The following PTPRT variants were observed in gnomAD, a reference collection of about 807,000 sequenced individuals.
The protein encoded by PTPRT is protein tyrosine phosphatase receptor type T, also known as receptor-type tyrosine-protein phosphatase T.
In PTPRT, 56 loss-of-function variants were observed where a neutral mutation model predicts 176.8. The ratio of observed to expected loss-of-function variants is 0.32; its 90% CI spans 0.26 to 0.40. The LOEUF is 0.40. Ranked by LOEUF, PTPRT falls within the 10% of genes least tolerant of loss-of-function variation. The probability of loss-of-function intolerance (pLI) is 1.00; values close to 1 mark genes in which losing one functional copy is unlikely to be tolerated. For missense variants in PTPRT, 1,540 were observed against 1,908.2 expected, an observed-to-expected ratio of 0.81 and a Z score of 3.60; for synonymous variants, 783 against 739.0, an observed-to-expected ratio of 1.06 and a Z score of -0.96.
intron 17 of PTPRT, among the ~76,000 whole-genome samples, chr20:42,154,906 T>G (rs568236362): frequency 6.6e-6 from 1 of 152,088 alleles, no homozygotes; most frequent in Non-Finnish European, 1.5e-5. Context: ...TGGTTCAGAA[T>G]CACATGCTCT....
In PTPRT at chr20:42,801,325, G is replaced by A. The variant is rs566848735; in HGVS notation, c.215-9859C>T. 8.5e-5 allele frequency among the ~76,000 whole-genome samples: 13 copies of A among 152,130 alleles called. No homozygotes were observed. The East Asian group carries it at 1.4e-3, about 16-fold the overall frequency. On this transcript the variant is annotated intron_variant, in intron 2 of 30. Transcript: ENST00000373187. ...GATCGCCCCCAGTTCCACAGCACCCGCCCCTCAAATCCTCAACTACTGGAG... is the reference window on the plus strand; with the variant it reads ...GATCGCCCCCAGTTCCACAGCACCCACCCCTCAAATCCTCAACTACTGGAG...
At chr20:42,761,434 CAA>C (rs200687081) in intron 5 of PTPRT, among the ~76,000 whole-genome samples, 4,241 of 137,688 alleles carry the variant, frequency 0.031, 208 homozygotes, top group African/African-American at 0.099. Context: ...AATTCCATCT[CAA>C]AAAAAAAAAA....
intron 16 of PTPRT, among the ~76,000 whole-genome samples, chr20:42,196,685 T>C (rs766362593): frequency 1.4e-4 from 22 of 152,212 alleles, no homozygotes; most frequent in Non-Finnish European, 2.6e-4. Context: ...CCCTGGTCTA[T>C]GTCAACAACC....
At chr20:43,129,785 AT>A (rs1176949004) in intron 1 of PTPRT, among the ~76,000 whole-genome samples, 1 of 150,448 alleles carries the variant, frequency 6.6e-6, no homozygotes, top group African/African-American at 2.4e-5. Context: ...TGCCCGGCTA[AT>A]TTTTTGTATT....
At chr20:42,717,724 CAGAA>C (rs1197258640) in intron 6 of PTPRT, among the ~76,000 whole-genome samples, 1 of 151,482 alleles carries the variant, frequency 6.6e-6, no homozygotes, top group Non-Finnish European at 1.5e-5. Flanking sequence ...AGGCAAGCTA[CAGAA>C]AGAAAAAGGA....
At chr20:42,429,304 A>G (rs992169518) in intron 9 of PTPRT, among the ~76,000 whole-genome samples, 8 of 152,158 alleles carry the variant, frequency 5.3e-5, no homozygotes, top group African/African-American at 1.9e-4. Flanking sequence ...GACTAAAGGC[A>G]CTATTTACAA....
intron 1 of PTPRT, among the ~76,000 whole-genome samples, chr20:43,068,935 G>C (rs1370296501): frequency 6.6e-6 from 1 of 152,190 alleles, no homozygotes; most frequent in Non-Finnish European, 1.5e-5. Context: ...GGTAGCAGTA[G>C]AGCTCAAAAC....
At chr20:42,055,538 T>G in the PTPRT span, among the ~76,000 whole-genome samples, 5 of 152,276 alleles carry the variant, frequency 3.3e-5, 1 homozygote, top group African/African-American at 1.2e-4. Context: ...ATGCTTGAGC[T>G]CTGGGGGCAA....
intron 6 of PTPRT, among the ~76,000 whole-genome samples, chr20:42,696,792 A>G (rs2075886714): frequency 6.6e-6 from 1 of 152,090 alleles, no homozygotes; most frequent in Admixed American, 6.5e-5. Flanking sequence ...GAAGACAGCC[A>G]GGAGCTCTGC....
At chr20:42,499,028 T>C (rs2071702684) in intron 7 of PTPRT, among the ~76,000 whole-genome samples, 1 of 152,172 alleles carries the variant, frequency 6.6e-6, no homozygotes, top group Non-Finnish European at 1.5e-5. Flanking sequence ...GATTTTAACC[T>C]TGGCAAAATA....
At position 42,446,669 on chromosome 20, in the gene PTPRT, A is replaced by C. The variant is rs191004175; in HGVS notation, c.1560+1551T>G. Among the ~76,000 whole-genome samples the C allele has an allele frequency of 3.5e-3, 526 of 151,004 alleles. 4 individuals carry two copies. The highest frequency in any genetic ancestry group is 0.012 in the African/African-American group (479 of 41,040). On this transcript the variant is annotated intron_variant, in intron 9 of 30. Transcript: ENST00000373187. ...TTTCTGCTTTACAAAGAACATGTAG[A>C]TTTGAAGTGACTGGATTTTGTTTCA... is the stretch of plus-strand genomic sequence containing the variant.
chr20:42,224,037 C>A lies in PTPRT; in HGVS notation c.2342+12192G>T, dbSNP rs552039237. Among the ~76,000 whole-genome samples the A allele has an allele frequency of 1.1e-4, 16 of 152,292 alleles. No individual in the cohort carries two copies. The East Asian group carries it at 2.7e-3, about 26-fold the overall frequency. On this transcript the variant is annotated intron_variant, in intron 15 of 30. Coordinates refer to ENST00000373187, the MANE Select transcript of PTPRT (RefSeq NM_007050.6). ...AAAAAACATGGGTGGTTGTAATATA[C>A]CCACCAATTCCCACCCTCTTAGAAT...
chr20:42,168,915 T>C (rs1390569678), intron 16 of PTPRT, among the ~76,000 whole-genome samples: 1 of 152,224 alleles, frequency 6.6e-6, no homozygotes, highest in Middle Eastern at 3.2e-3. Flanking sequence ...ATCTTTCTTA[T>C]GTCTGACCAA....
the PTPRT span, among the ~76,000 whole-genome samples, chr20:42,051,195 C>T: frequency 6.6e-6 from 1 of 152,152 alleles, no homozygotes; most frequent in African/African-American, 2.4e-5. Flanking sequence ...GTGGTCATCG[C>T]CTGGATTCTT....
At chr20:42,830,743 C>T (rs938731801) in intron 2 of PTPRT, among the ~76,000 whole-genome samples, 2 of 152,256 alleles carry the variant, frequency 1.3e-5, no homozygotes, top group East Asian at 1.9e-4. Context: ...TTTCTATACA[C>T]CAACAACAGC....
intron 1 of PTPRT, among the ~76,000 whole-genome samples, chr20:43,067,756 G>A (rs2011125374): frequency 6.6e-6 from 1 of 151,038 alleles, no homozygotes; most frequent in Non-Finnish European, 1.5e-5. Flanking sequence ...GAGCCCAGGA[G>A]TTCAAGACCA....
intron 7 of PTPRT, among the ~76,000 whole-genome samples, chr20:42,523,796 A>T (rs2072220380): frequency 6.7e-6 from 1 of 149,852 alleles, no homozygotes; most frequent in African/African-American, 2.4e-5. Flanking sequence ...CTCCTGTTTC[A>T]GAAATTAATA....
intron 6 of PTPRT, among the ~76,000 whole-genome samples, chr20:42,701,211 C>A (rs1017624288): frequency 6.6e-6 from 1 of 152,074 alleles, no homozygotes; most frequent in Admixed American, 6.5e-5. Flanking sequence ...TACATTTCCA[C>A]GGGATTTTAG....
intron 9 of PTPRT, among the ~76,000 whole-genome samples, chr20:42,431,905 A>G (rs2059218540): frequency 6.6e-6 from 1 of 152,206 alleles, no homozygotes; most frequent in Non-Finnish European, 1.5e-5. Context: ...CCAAGTGGTA[A>G]CACAGGTAAG....
Sources: gnomAD v4.1 joint callset for allele counts (sites outside exome capture counted in the v4.1 genomes callset) on GRCh38, gnomAD v4.1.1 for gene constraint, MANE v1.5 for transcripts, NCBI Gene and HGNC (gene_info 2026-07-23, HGNC 2026-07-21) for gene names.